Variants in CPVL observed in about 807,000 individuals in gnomAD.
CPVL encodes carboxypeptidase vitellogenic like.
In CPVL, 51 loss-of-function variants were observed where a neutral mutation model predicts 63.7. The observed-to-expected ratio is 0.80, with a 90% CI of 0.64 to 1.01. The LOEUF (loss-of-function observed/expected upper bound fraction) is 1.01, where lower values mean the gene tolerates loss of function less well. CPVL is among the 50% of genes least tolerant of loss of function. The pLI, the probability that CPVL is intolerant of heterozygous loss-of-function variation, is 0.00. For missense variants in CPVL, 530 were observed against 573.1 expected (o/e 0.92, Z 0.77); for synonymous variants, 195 against 206.0 (o/e 0.95, Z 0.46).
chr7:29,058,733 G>A (rs1790992221), intron 11 of CPVL, among the ~76,000 whole-genome samples: 1 of 152,002 alleles, frequency 6.6e-6, no homozygotes, highest in South Asian at 2.1e-4. Flanking sequence ...CTTCTTGTTG[G>A]CATGATTTCT....
intron 11 of CPVL, among the ~76,000 whole-genome samples, chr7:29,062,778 G>A (rs949103583): frequency 6.6e-6 from 1 of 152,214 alleles, no homozygotes; most frequent in African/African-American, 2.4e-5. Flanking sequence ...AACTAAGGCA[G>A]TATATCAGGA....
At chr7:29,024,928 A>C (rs1050907748) in intron 12 of CPVL, among the ~76,000 whole-genome samples, 2 of 152,216 alleles carry the variant, frequency 1.3e-5, no homozygotes, top group African/African-American at 4.8e-5. Context: ...CATAAATGAG[A>C]AAGAGAAAAG....
chr7:29,048,058 C>G (rs1406841617), intron 11 of CPVL, among the ~76,000 whole-genome samples: 1 of 152,126 alleles, frequency 6.6e-6, no homozygotes, highest in Non-Finnish European at 1.5e-5. Context: ...AATCTTGAAA[C>G]AAATCCTGGA....
intron 12 of CPVL, among the ~76,000 whole-genome samples, chr7:29,025,494 T>TCACA (rs1209381441): frequency 1.3e-5 from 2 of 152,094 alleles, no homozygotes; most frequent in Non-Finnish European, 2.9e-5. Context: ...ATCTTCCCCA[T>TCACA]CACACAATCA....
intron 1 of CPVL, chr7:29,127,612 ACAG>A (rs1404994246): frequency 2.0e-5 from 3 of 152,186 alleles, no homozygotes; most frequent in African/African-American, 7.2e-5. Flanking sequence ...AATTGAAAAA[ACAG>A]CAGAAGCAGG....
intron 2 of CPVL, among the ~76,000 whole-genome samples, chr7:29,115,971 G>A (rs571841879): frequency 1.6e-4 from 24 of 152,294 alleles, no homozygotes; most frequent in African/African-American, 5.8e-4. Context: ...ACTTGAGTAT[G>A]TTTCAGACCT....
At chr7:29,027,331 A>G (rs1272203294) in intron 12 of CPVL, among the ~76,000 whole-genome samples, 1 of 152,154 alleles carries the variant, frequency 6.6e-6, no homozygotes, top group African/African-American at 2.4e-5. Flanking sequence ...TAGAAGGAAC[A>G]TACCATAACG....
upstream of CPVL, chr7:29,146,612 C>G (rs1022857906): frequency 1.3e-6 from 2 of 1,550,412 alleles, no homozygotes; most frequent in Non-Finnish European, 1.7e-6. Context: ...GCAAAAAGTG[C>G]GTCGTCGTGT....
chr7:29,030,498 G>C, intron 12 of CPVL, 79 bp downstream of exon 12: 1 of 1,381,898 alleles, frequency 7.2e-7, no homozygotes, highest in Non-Finnish European at 1.0e-6. Context: ...GGTCGGCCAT[G>C]TCTCATTGCT....
chr7:29,042,110 G>A (rs1456324103), intron 11 of CPVL, among the ~76,000 whole-genome samples: 2 of 152,106 alleles, frequency 1.3e-5, no homozygotes, highest in East Asian at 1.9e-4. Context: ...AGCCACTCTC[G>A]GAGGAGCGGT....
intron 3 of CPVL, among the ~76,000 whole-genome samples, chr7:29,102,651 C>T (rs1002431565): frequency 3.3e-5 from 5 of 152,224 alleles, no homozygotes; most frequent in South Asian, 2.1e-4. Context: ...AGAAGAGGGT[C>T]GGCCCGCGGG....
chr7:29,042,011 T>C lies in CPVL; in HGVS notation c.1138-11252A>G, dbSNP rs546548181. Among the ~76,000 whole-genome samples, 4 of 152,320 alleles carry C rather than the reference T, an allele frequency of 2.6e-5. No homozygotes were observed. In the East Asian group the frequency reaches 5.8e-4, roughly 22 times the overall value. Reference sequence around the variant, plus strand: ...TTATATTTCTATTGGACAGCACTGCTATACCTTGGGTTTGGTATATACTGG... The same window carrying C: ...TTATATTTCTATTGGACAGCACTGCCATACCTTGGGTTTGGTATATACTGG... On this transcript the variant is annotated intron_variant, in intron 11 of 12. Coordinates refer to ENST00000265394, the MANE Select transcript of CPVL (RefSeq NM_031311.5).
intron 5 of CPVL, among the ~76,000 whole-genome samples, chr7:29,153,987 C>T (rs1258619699): frequency 2.0e-5 from 3 of 152,178 alleles, no homozygotes; most frequent in Non-Finnish European, 4.4e-5. Context: ...AATAAGGCTT[C>T]TGGTCAACAG....
chr7:29,063,399 T>C (rs375940605), intron 11 of CPVL, among the ~76,000 whole-genome samples: 20 of 152,242 alleles, frequency 1.3e-4, no homozygotes, highest in East Asian at 3.9e-4. Flanking sequence ...CCTGACGTCA[T>C]TGGGATTCAT....
upstream of CPVL, among the ~76,000 whole-genome samples, chr7:29,147,647 A>G (rs991002989): frequency 3.9e-5 from 6 of 152,168 alleles, no homozygotes; most frequent in African/African-American, 1.4e-4. Context: ...CATACCTTCC[A>G]TATGGAAGTA....
At chr7:29,092,180 CTT>C (rs3042208) in intron 6 of CPVL, among the ~76,000 whole-genome samples, 4,018 of 137,466 alleles carry the variant, frequency 0.029, 72 homozygotes, top group South Asian at 0.071. Context: ...TACATTTTTC[CTT>C]TTTTTTTTTT....
chr7:29,120,838 A>AAT, intron 2 of CPVL, 55 bp downstream of exon 2: 1 of 1,396,616 alleles, frequency 7.2e-7, no homozygotes, highest in Non-Finnish European at 9.8e-7. Context: ...AAAAAAAAAA[A>AAT]GAGAAACTGT....
chr7:29,022,295 A>T (rs559485440), intron 12 of CPVL, among the ~76,000 whole-genome samples: 1 of 152,220 alleles, frequency 6.6e-6, no homozygotes, highest in South Asian at 2.1e-4. Context: ...CCTGTCTGCC[A>T]CCACCACCAG....
chr7:29,003,617 T>G (rs1393418640), intron 12 of CPVL, among the ~76,000 whole-genome samples: 1 of 152,160 alleles, frequency 6.6e-6, no homozygotes, highest in Non-Finnish European at 1.5e-5. Flanking sequence ...TTGAACTATG[T>G]AGAAGTTTTT....
Sources: allele counts gnomAD v4.1 joint callset (sites outside exome capture counted in the v4.1 genomes callset), GRCh38; gene constraint gnomAD v4.1.1; transcripts MANE v1.5; gene names NCBI Gene and HGNC (gene_info 2026-07-23, HGNC 2026-07-21).